STMN2: variants seen among roughly 807,000 people sequenced by gnomAD.
The protein encoded by STMN2 is stathmin 2.
A neutral mutation model predicts 24.1 loss-of-function variants in STMN2; 2 were observed. The ratio of observed to expected loss-of-function variants is 0.08; its 90% CI spans 0.03 to 0.26. STMN2 has a LOEUF of 0.26. STMN2 is among the 10% of genes least tolerant of loss of function. The probability of loss-of-function intolerance (pLI) is 1.00; values close to 1 mark genes in which losing one functional copy is unlikely to be tolerated. For missense variants in STMN2, 114 were observed against 213.6 expected, an observed-to-expected ratio of 0.53 and a Z score of 2.91; for synonymous variants, 83 against 77.5, an observed-to-expected ratio of 1.07 and a Z score of -0.37.
intron 1 of STMN2, among the ~76,000 whole-genome samples, chr8:79,619,166 G>A (rs191332303): frequency 3.3e-5 from 5 of 151,924 alleles, no homozygotes; most frequent in Admixed American, 2.6e-4. Flanking sequence ...GTTGGAGTTC[G>A]CACATTAACC....
At chr8:79,632,719 C>T (rs2130337648) in intron 1 of STMN2, among the ~76,000 whole-genome samples, 1 of 152,304 alleles carries the variant, frequency 6.6e-6, no homozygotes, top group South Asian at 2.1e-4. Context: ...AAGACTAATA[C>T]ATATCACTAC....
intron 3 of STMN2, among the ~76,000 whole-genome samples, chr8:79,652,868 G>A (rs1304765174): frequency 6.6e-6 from 1 of 151,944 alleles, no homozygotes; most frequent in Non-Finnish European, 1.5e-5. Flanking sequence ...CCGTAGTCCT[G>A]ATAACAGCAA....
At chr8:79,648,271 G>A (rs2130373072) in intron 3 of STMN2, among the ~76,000 whole-genome samples, 1 of 152,256 alleles carries the variant, frequency 6.6e-6, no homozygotes, top group Admixed American at 6.5e-5. Context: ...GTTAGTGTGA[G>A]AATTGGAAGG....
At chr8:79,627,084 CTGTT>C (rs1271477370) in intron 1 of STMN2, among the ~76,000 whole-genome samples, 2 of 152,152 alleles carry the variant, frequency 1.3e-5, no homozygotes, top group African/African-American at 2.4e-5. Context: ...TATATATCCT[CTGTT>C]TGGCCCTTCC....
intron 4 of STMN2, 35 bp downstream of exon 4, chr8:79,655,097 T>C: frequency 1.9e-6 from 3 of 1,604,988 alleles, no homozygotes; most frequent in East Asian, 2.2e-5. Context: ...GATGGATATA[T>C]TCATATGCAG....
At chr8:79,622,505 A>G (rs1410524955) in intron 1 of STMN2, among the ~76,000 whole-genome samples, 1 of 152,226 alleles carries the variant, frequency 6.6e-6, no homozygotes, top group Non-Finnish European at 1.5e-5. Flanking sequence ...TTTATGAGAC[A>G]GCAGCCAATA....
chr8:79,617,144 T>C (rs1809400001), intron 1 of STMN2, among the ~76,000 whole-genome samples: 1 of 152,238 alleles, frequency 6.6e-6, no homozygotes, highest in Admixed American at 6.5e-5. Context: ...TGAGTATGAC[T>C]GTATATTTGA....
chr8:79,614,899 C>A (rs1333201028), intron 1 of STMN2, among the ~76,000 whole-genome samples: 6 of 152,112 alleles, frequency 3.9e-5, no homozygotes, highest in Admixed American at 3.9e-4. Context: ...GTGGAATAAG[C>A]ATTTAATCAT....
intron 1 of STMN2, among the ~76,000 whole-genome samples, chr8:79,622,855 G>A (rs867516762): frequency 9.9e-5 from 15 of 151,946 alleles, no homozygotes; most frequent in South Asian, 8.3e-4. Context: ...ACACGTACAC[G>A]CACGCATGCA....
At chr8:79,620,587 A>G (rs980376913) in intron 1 of STMN2, among the ~76,000 whole-genome samples, 1 of 152,228 alleles carries the variant, frequency 6.6e-6, no homozygotes, top group African/African-American at 2.4e-5. Flanking sequence ...ATGGTAATTT[A>G]TAACTATAAA....
intron 1 of STMN2, among the ~76,000 whole-genome samples, chr8:79,630,770 C>T (rs1436375498): frequency 2.0e-5 from 3 of 152,182 alleles, no homozygotes; most frequent in Non-Finnish European, 4.4e-5. Flanking sequence ...GTCATTCTTA[C>T]ATGAGAACTG....
At chr8:79,626,111 A>G (rs1809648589) in intron 1 of STMN2, among the ~76,000 whole-genome samples, 1 of 151,244 alleles carries the variant, frequency 6.6e-6, no homozygotes, top group South Asian at 2.1e-4. Context: ...TTTTGTGGAT[A>G]AATAAACTCA....
intron 2 of STMN2, among the ~76,000 whole-genome samples, chr8:79,638,558 C>A (rs1023753582): frequency 1.3e-5 from 2 of 152,136 alleles, no homozygotes; most frequent in African/African-American, 4.8e-5. Context: ...AATAACGTGA[C>A]TTGTTTATTG....
chr8:79,613,821 A>G lies in STMN2; in HGVS notation c.19+2607A>G, dbSNP rs140857713. 467 of 985,372 alleles carry G rather than the reference A, an allele frequency of 4.7e-4. 2 individuals are homozygous for G. The highest frequency in any genetic ancestry group is 4.5e-3 in the African/African-American group (260 of 57,340). 61.0% of individuals were successfully genotyped at this position (985,372 alleles called of 1,614,324 possible). A position where few individuals can be genotyped will look rare whatever the true frequency, so the allele number is the denominator to read the frequency against. On this transcript the variant is annotated intron_variant, in intron 1 of 4. Transcript: ENST00000220876. ...AGCAAATATATTTTTGCTTCCTGCCAGGATTATGTATGTTCATGTGGCTAA... is the reference window on the plus strand; with the variant it reads ...AGCAAATATATTTTTGCTTCCTGCCGGGATTATGTATGTTCATGTGGCTAA...
Position 79,611,120 on chromosome 8 carries a change from CTTCTCTCT to C in STMN2, c.-75_-68del. On this transcript the variant is annotated 5_prime_UTR_variant, in exon 1 of 5. Transcript: ENST00000220876. Reference sequence around the variant, plus strand: ...CTGCAGACTCAGTGCCTTATTCAGTCTTCTCTCTCGCTCTCTCCGCTGCTGTAGCCGGA... The same window carrying C: ...CTGCAGACTCAGTGCCTTATTCAGTCCGCTCTCTCCGCTGCTGTAGCCGGA... 6.3e-7 allele frequency: 1 copy of C among 1,599,280 alleles called. No individual in the cohort carries two copies. Among genetic ancestry groups the C allele is most frequent in the South Asian group, 1.1e-5 (1 of 90,086 alleles).
At chr8:79,657,576 A>G (rs2130391204) in intron 4 of STMN2, among the ~76,000 whole-genome samples, 1 of 152,328 alleles carries the variant, frequency 6.6e-6, no homozygotes, top group Admixed American at 6.5e-5. Flanking sequence ...CTCAGCTCTC[A>G]GCAGTCTATC....
At chr8:79,626,624 G>A (rs1467716617) in intron 1 of STMN2, among the ~76,000 whole-genome samples, 2 of 152,144 alleles carry the variant, frequency 1.3e-5, no homozygotes, top group East Asian at 1.9e-4. Flanking sequence ...TTCTTCATGG[G>A]GAAGCTAATT....
At chr8:79,651,756 T>A (rs748320344) in intron 3 of STMN2, among the ~76,000 whole-genome samples, 3 of 152,240 alleles carry the variant, frequency 2.0e-5, no homozygotes, top group Admixed American at 6.5e-5. Flanking sequence ...TGTAAGCTGA[T>A]CCTGTCTGAA....
chr8:79,614,923 A>G (rs1809349043), intron 1 of STMN2, among the ~76,000 whole-genome samples: 1 of 152,244 alleles, frequency 6.6e-6, no homozygotes, highest in African/African-American at 2.4e-5. Flanking sequence ...GCACAATATG[A>G]CTTCCATCAA....
Sources: gnomAD v4.1 joint callset for allele counts (sites outside exome capture counted in the v4.1 genomes callset) on GRCh38, gnomAD v4.1.1 for gene constraint, MANE v1.5 for transcripts, NCBI Gene and HGNC (gene_info 2026-07-23, HGNC 2026-07-21) for gene names.